KCNN2: variants seen among roughly 807,000 people sequenced by gnomAD.
The protein encoded by KCNN2 is small conductance calcium-activated potassium channel protein 2.
In KCNN2, 24 loss-of-function variants were observed where a neutral mutation model predicts 55.5. The observed-to-expected ratio is 0.43, with a 90% CI of 0.31 to 0.61. KCNN2 has a LOEUF of 0.61. Ranked by LOEUF, KCNN2 falls within the 20% of genes least tolerant of loss-of-function variation. The pLI is 0.08. For synonymous variants in KCNN2, 431 were observed against 336.1 expected (o/e 1.28, Z -3.09); for missense variants, 754 against 853.6 (o/e 0.88, Z 1.45).
intron 1 of KCNN2, among the ~76,000 whole-genome samples, chr5:114,188,238 A>G (rs1753379491): frequency 6.6e-6 from 1 of 152,170 alleles, no homozygotes; most frequent in Non-Finnish European, 1.5e-5. Flanking sequence ...TAGCTACCTA[A>G]TCCTGGCTGT....
chr5:114,366,690 G>A (rs566026077), intron 2 of KCNN2, among the ~76,000 whole-genome samples: 2 of 152,166 alleles, frequency 1.3e-5, no homozygotes, highest in Non-Finnish European at 2.9e-5. Context: ...CATGGAAAAT[G>A]ATGAATTGCC....
At chr5:114,112,018 C>G (rs1290822506) in intron 1 of KCNN2, among the ~76,000 whole-genome samples, 1 of 152,156 alleles carries the variant, frequency 6.6e-6, no homozygotes, top group Non-Finnish European at 1.5e-5. Flanking sequence ...GCTATAAAGA[C>G]ACATGTGCAT....
At chr5:114,270,548 AAAATGTTG>A (rs1755306360) in intron 2 of KCNN2, among the ~76,000 whole-genome samples, 1 of 152,200 alleles carries the variant, frequency 6.6e-6, no homozygotes, top group South Asian at 2.1e-4. Context: ...ACTACTACTA[AAAATGTTG>A]ATATATTAAC....
intron 2 of KCNN2, among the ~76,000 whole-genome samples, chr5:114,245,007 G>A (rs1033795120): frequency 2.0e-5 from 3 of 152,110 alleles, no homozygotes; most frequent in African/African-American, 7.2e-5. Flanking sequence ...CAGCATAAAA[G>A]CCAAGAAATA....
At chr5:114,463,800 G>C (rs1027658905) in intron 4 of KCNN2, among the ~76,000 whole-genome samples, 4 of 152,194 alleles carry the variant, frequency 2.6e-5, no homozygotes, top group Non-Finnish European at 5.9e-5. Flanking sequence ...GGGCCTGGGG[G>C]AGAGGGATGG....
At chr5:114,271,305 G>A (rs1410333325) in intron 2 of KCNN2, among the ~76,000 whole-genome samples, 6 of 152,082 alleles carry the variant, frequency 3.9e-5, no homozygotes, top group Non-Finnish European at 7.4e-5. Context: ...GTGCTGATTG[G>A]TGCATTTTTA....
chr5:114,461,722 A>C (rs1216297183), intron 3 of KCNN2, among the ~76,000 whole-genome samples: 1 of 149,636 alleles, frequency 6.7e-6, no homozygotes, highest in Non-Finnish European at 1.5e-5. Context: ...GCATGGGATG[A>C]GGGACAGGAA....
chr5:114,265,154 A>C (rs1271921945), intron 2 of KCNN2, among the ~76,000 whole-genome samples: 1 of 152,150 alleles, frequency 6.6e-6, no homozygotes, highest in Non-Finnish European at 1.5e-5. Context: ...CAGGGTAAGT[A>C]ACTTTTCTAT....
intron 2 of KCNN2, among the ~76,000 whole-genome samples, chr5:114,394,503 A>C (rs1446919383): frequency 6.6e-6 from 1 of 152,258 alleles, no homozygotes; most frequent in Non-Finnish European, 1.5e-5. Context: ...AAGTGCATTA[A>C]ATGCATTAAA....
At chr5:114,086,265 T>G (rs1049467504) in intron 1 of KCNN2, among the ~76,000 whole-genome samples, 1 of 152,064 alleles carries the variant, frequency 6.6e-6, no homozygotes, top group Non-Finnish European at 1.5e-5. Flanking sequence ...GTTTATTTAT[T>G]TACTCATTTA....
rs546260362 is a variant in KCNN2, at chr5:114,356,367, AG to A, written c.-184-4577del. ...TGTCTGCTAAGTTTTATGACTTTCT[AG>A]ATTTGGGTGTTGTGTTTCTAGCTGC... is the stretch of plus-strand genomic sequence containing the variant. On this transcript the variant is annotated intron_variant, in intron 2 of 10. Coordinates refer to the KCNN2 transcript ENST00000512097. 1.6e-4 allele frequency among the ~76,000 whole-genome samples: 24 copies of A among 152,292 alleles called. No homozygotes were observed. The South Asian group carries it at 3.5e-3, about 22-fold the overall frequency.
At chr5:114,226,866 A>C (rs1029577069) in intron 2 of KCNN2, among the ~76,000 whole-genome samples, 3 of 144,012 alleles carry the variant, frequency 2.1e-5, no homozygotes, top group African/African-American at 7.8e-5. Flanking sequence ...GCGCCACTGC[A>C]CTCCAGCCTG....
chr5:114,237,255 TTCAC>T, intron 2 of KCNN2, among the ~76,000 whole-genome samples: 1 of 77,894 alleles, frequency 1.3e-5, no homozygotes, highest in Non-Finnish European at 2.7e-5. Flanking sequence ...GTTGTCAAAA[TTCAC>T]ACACACACAC....
intron 1 of KCNN2, among the ~76,000 whole-genome samples, chr5:114,213,131 A>T (rs754238153): frequency 6.6e-6 from 1 of 151,986 alleles, no homozygotes; most frequent in Admixed American, 6.6e-5. Context: ...AGGCCATTAG[A>T]AATTCCTTTG....
rs57946172 is a variant in KCNN2 at position 114,056,199 on chromosome 5, G to A, written c.-572G>A. The A allele has an allele frequency of 5.0e-3, 1,974 of 394,316 alleles. 35 individuals are homozygous for A. Among genetic ancestry groups the A allele is most frequent in the African/African-American group, 0.038 (1,826 of 48,602 alleles). The allele number at this position is 394,316 out of a possible 1,614,324, so 24.4% of individuals were successfully genotyped here. On this transcript the variant is annotated 5_prime_UTR_variant, in exon 1 of 11. Coordinates refer to the KCNN2 transcript ENST00000512097. ...GCAGCGAGTGGGCAGCGGGGGCCTG[G>A]CTCGCCCGCGCCCGCGCCCCGGAGC... is the stretch of plus-strand genomic sequence containing the variant.
At chr5:114,323,202 TCCTCA>T (rs751774341) in intron 2 of KCNN2, among the ~76,000 whole-genome samples, 201 of 152,322 alleles carry the variant, frequency 1.3e-3, no homozygotes, top group Admixed American at 2.2e-3. Context: ...ACAGTAAAGC[TCCTCA>T]GTAGGAAACT....
In KCNN2 at chr5:114,363,797, C is replaced by T. The variant is rs3749723; in HGVS notation, c.1123-109C>T. 747 of 748,816 alleles carry T rather than the reference C, an allele frequency of 1.0e-3. 12 individuals are homozygous for T. The East Asian group carries it at 0.016, about 16-fold the overall frequency. 46.4% of individuals were successfully genotyped at this position (748,816 alleles called of 1,614,324 possible). ...AGGTGCACCCCTCTCCCCTTATCTTCCTTCTGTGAGTTCAGGTCCACCTGT... is the reference window on the plus strand; with the variant it reads ...AGGTGCACCCCTCTCCCCTTATCTTTCTTCTGTGAGTTCAGGTCCACCTGT... On this transcript the variant is annotated intron_variant, in intron 1 of 7. Coordinates refer to ENST00000673685, the MANE Select transcript of KCNN2 (RefSeq NM_021614.4).
At chr5:114,238,397 G>T (rs184891707) in intron 2 of KCNN2, among the ~76,000 whole-genome samples, 2 of 152,114 alleles carry the variant, frequency 1.3e-5, no homozygotes, top group African/African-American at 4.8e-5. Context: ...AGGCCGAGGC[G>T]GGTGGATTGT....
intron 2 of KCNN2, among the ~76,000 whole-genome samples, chr5:114,382,587 T>C (rs1160743185): frequency 7.2e-5 from 11 of 152,212 alleles, no homozygotes. Context: ...ATGGTCTCTT[T>C]CTGTGGGTGT....
Sources: gnomAD v4.1 joint callset for allele counts (sites outside exome capture counted in the v4.1 genomes callset) on GRCh38, gnomAD v4.1.1 for gene constraint, MANE v1.5 for transcripts, NCBI Gene and HGNC (gene_info 2026-07-23, HGNC 2026-07-21) for gene names.